The following PCSK5 variants were observed in gnomAD, a reference collection of about 807,000 sequenced individuals.
PCSK5 encodes proprotein convertase subtilisin/kexin type 5, also known as prohormone convertase 5.
In PCSK5, 129 loss-of-function variants were observed where a neutral mutation model predicts 233.2. The observed-to-expected ratio is 0.55, with a 90% CI of 0.48 to 0.64. The LOEUF (loss-of-function observed/expected upper bound fraction) is 0.64, where lower values mean the gene tolerates loss of function less well. PCSK5 is among the 30% of genes least tolerant of loss of function. The pLI is 0.00. For synonymous variants in PCSK5, 825 were observed against 879.2 expected (o/e 0.94, Z 1.09); for missense variants, 2,076 against 2,430.1 (o/e 0.85, Z 3.06).
chr9:76,107,671 G>A (rs57038634), intron 9 of PCSK5, among the ~76,000 whole-genome samples: 1,893 of 152,276 alleles, frequency 0.012, 44 homozygotes, highest in African/African-American at 0.043. Context: ...GTTCCTGAGC[G>A]TCCCAGAGAG....
At chr9:76,216,266 T>C (rs1016902091) in intron 20 of PCSK5, among the ~76,000 whole-genome samples, 1 of 151,962 alleles carries the variant, frequency 6.6e-6, no homozygotes, top group Non-Finnish European at 1.5e-5. Flanking sequence ...GAGAGAAGCA[T>C]GTAGAGCCTT....
rs1208093537 is a variant in PCSK5 at position 76,322,983 on chromosome 9, C to A, written c.4103-69C>A. On this transcript the variant is annotated intron_variant, in intron 31 of 37. Transcript: ENST00000674117. ...ACCAAAGTGCTGAGGGAGGAGCTAGCCTACTGCAGACAATGAATTCCTTTC... is the reference window on the plus strand; with the variant it reads ...ACCAAAGTGCTGAGGGAGGAGCTAGACTACTGCAGACAATGAATTCCTTTC... 4 of 824,238 alleles carry A rather than the reference C, an allele frequency of 4.9e-6. No individual in the cohort carries two copies. The African/African-American group carries it at 5.1e-5, about 11-fold the overall frequency. The allele number at this position is 824,238 out of a possible 1,614,324, so 51.1% of individuals were successfully genotyped here.
chr9:75,914,145 G>A (rs1304258564), intron 1 of PCSK5, among the ~76,000 whole-genome samples: 2 of 152,138 alleles, frequency 1.3e-5, no homozygotes, highest in Non-Finnish European at 2.9e-5. Context: ...GGAATGGCTT[G>A]GCTGTGCATC....
At chr9:76,072,973 A>G (rs1165930092) in intron 7 of PCSK5, among the ~76,000 whole-genome samples, 2 of 152,238 alleles carry the variant, frequency 1.3e-5, no homozygotes, top group African/African-American at 4.8e-5. Context: ...AGTTCTGGGT[A>G]TATCTTCCTT....
At chr9:76,006,862 G>A (rs945545623) in intron 3 of PCSK5, among the ~76,000 whole-genome samples, 1 of 152,134 alleles carries the variant, frequency 6.6e-6, no homozygotes, top group Non-Finnish European at 1.5e-5. Flanking sequence ...TCCCCTGCAG[G>A]TAACCCTTTA....
At chr9:76,213,233 A>G (rs79244450) in intron 20 of PCSK5, among the ~76,000 whole-genome samples, 2,089 of 152,328 alleles carry the variant, frequency 0.014, 44 homozygotes, top group African/African-American at 0.048. Flanking sequence ...TGACCCATGT[A>G]TAAAATTTCA....
At chr9:76,171,343 G>A (rs1823322467) in intron 13 of PCSK5, among the ~76,000 whole-genome samples, 1 of 152,194 alleles carries the variant, frequency 6.6e-6, no homozygotes, top group African/African-American at 2.4e-5. Flanking sequence ...ATCACTGCTG[G>A]ACTCTTACAG....
chr9:76,296,643 TTCTC>T lies in PCSK5; in HGVS notation c.3323-18_3323-15del, dbSNP rs767228346. 209 of 1,560,290 alleles carry T rather than the reference TTCTC, an allele frequency of 1.3e-4. No individual in the cohort carries two copies. Among genetic ancestry groups the T allele is most frequent in the Non-Finnish European group, 1.7e-4 (197 of 1,132,568 alleles). ...CAAAGATCACTAAAGCCTTCATGCT[TTCTC>T]TCTGTGTTCTCACATAGGTGGCAGT... On this transcript the variant is annotated intron_variant, in intron 26 of 37. Transcript: ENST00000674117.
intron 6 of PCSK5, among the ~76,000 whole-genome samples, chr9:76,069,497 G>A (rs1421660568): frequency 2.0e-5 from 3 of 150,596 alleles, no homozygotes; most frequent in Middle Eastern, 3.4e-3. Flanking sequence ...AATCAAAAAT[G>A]TTCTACAACA....
intron 7 of PCSK5, among the ~76,000 whole-genome samples, chr9:76,080,165 A>G (rs762051332): frequency 6.6e-5 from 10 of 151,994 alleles, no homozygotes; most frequent in Non-Finnish European, 1.2e-4. Flanking sequence ...TTATCTCTTG[A>G]AGGCACTGCT....
At chr9:76,331,815 T>C (rs1447817036) in intron 33 of PCSK5, among the ~76,000 whole-genome samples, 3 of 152,104 alleles carry the variant, frequency 2.0e-5, no homozygotes, top group African/African-American at 7.2e-5. Context: ...AGGTGGACTC[T>C]AGCAAGTGGA....
At chr9:76,255,900 T>C (rs1826967790) in intron 24 of PCSK5, among the ~76,000 whole-genome samples, 1 of 152,202 alleles carries the variant, frequency 6.6e-6, no homozygotes, top group South Asian at 2.1e-4. Context: ...AGGGAGCTTA[T>C]GTCATTTGCC....
intron 27 of PCSK5, among the ~76,000 whole-genome samples, chr9:76,301,402 C>T (rs535185506): frequency 3.3e-5 from 5 of 152,164 alleles, no homozygotes; most frequent in Admixed American, 1.3e-4. Context: ...TAGGCAGAAT[C>T]CTGACTTAGC....
At chr9:76,016,627 A>G (rs1186028130) in intron 3 of PCSK5, among the ~76,000 whole-genome samples, 2 of 152,232 alleles carry the variant, frequency 1.3e-5, no homozygotes, top group African/African-American at 4.8e-5. Context: ...TTCTCCATAC[A>G]CTAATATGAG....
At chr9:76,212,143 C>T (rs1367024234) in intron 20 of PCSK5, among the ~76,000 whole-genome samples, 4 of 152,094 alleles carry the variant, frequency 2.6e-5, no homozygotes, top group Non-Finnish European at 4.4e-5. Context: ...GCAACTCTTC[C>T]GCCAGACAGT....
chr9:76,269,110 C>G (rs576869883), intron 24 of PCSK5, among the ~76,000 whole-genome samples: 1 of 152,228 alleles, frequency 6.6e-6, no homozygotes, highest in Non-Finnish European at 1.5e-5. Flanking sequence ...GTCATTTGCT[C>G]CTCAGCCCCA....
chr9:76,071,668 C>T, intron 6 of PCSK5, 58 bp from the exon 7 acceptor site: 3 of 1,407,648 alleles, frequency 2.1e-6, no homozygotes, highest in East Asian at 2.4e-5. Flanking sequence ...CAGCTCTGTT[C>T]TTTGAGTGTT....
At chr9:75,940,247 C>G (rs1824238726) in intron 2 of PCSK5, among the ~76,000 whole-genome samples, 2 of 152,204 alleles carry the variant, frequency 1.3e-5, no homozygotes, top group South Asian at 4.1e-4. Flanking sequence ...TTTTGCCTTC[C>G]AGAATTCTAT....
intron 24 of PCSK5, among the ~76,000 whole-genome samples, chr9:76,280,255 T>C (rs1370114931): frequency 1.3e-5 from 2 of 152,154 alleles, no homozygotes; most frequent in Admixed American, 1.3e-4. Context: ...GTGTTCTGCC[T>C]TTTCCACTGA....
Sources: allele counts gnomAD v4.1 joint callset (sites outside exome capture counted in the v4.1 genomes callset), GRCh38; gene constraint gnomAD v4.1.1; transcripts MANE v1.5; gene names NCBI Gene and HGNC (gene_info 2026-07-23, HGNC 2026-07-21).